SLC35G2: variants seen among roughly 807,000 people sequenced by gnomAD.
SLC35G2 encodes the protein transmembrane protein 22.
A neutral mutation model predicts 27.2 loss-of-function variants in SLC35G2; 20 were observed. The ratio of observed to expected loss-of-function variants is 0.74; its 90% CI spans 0.52 to 1.07. The LOEUF is 1.07. Ranked by LOEUF, SLC35G2 falls within the 50% of genes least tolerant of loss-of-function variation. The pLI is 0.00. For missense variants in SLC35G2, 416 were observed against 493.3 expected, an observed-to-expected ratio of 0.84 and a Z score of 1.48; for synonymous variants, 148 against 165.3, an observed-to-expected ratio of 0.90 and a Z score of 0.80.
chr3:136,852,559 C>G (rs1271333769), intron 1 of SLC35G2, among the ~76,000 whole-genome samples: 1 of 149,830 alleles, frequency 6.7e-6, no homozygotes, highest in Non-Finnish European at 1.5e-5. Flanking sequence ...GTGGCACAAT[C>G]TTGGCTCACT....
intron 1 of SLC35G2, among the ~76,000 whole-genome samples, chr3:136,845,533 A>C (rs1937332652): frequency 6.6e-6 from 1 of 152,208 alleles, no homozygotes; most frequent in South Asian, 2.1e-4. Flanking sequence ...AGAATAGTTT[A>C]ATTCTCTAGT....
chr3:136,830,561 G>C (rs189118109), intron 1 of SLC35G2, among the ~76,000 whole-genome samples: 6 of 152,136 alleles, frequency 3.9e-5, no homozygotes, highest in Non-Finnish European at 2.9e-5. Flanking sequence ...GGGATTACAG[G>C]CATGAGCCAC....
intron 1 of SLC35G2, among the ~76,000 whole-genome samples, chr3:136,826,877 G>T (rs1936598086): frequency 6.6e-6 from 1 of 151,804 alleles, no homozygotes; most frequent in South Asian, 2.1e-4. Context: ...GAGCTCAAGT[G>T]CCTGCCTCAC....
At chr3:136,841,720 A>G (rs904204438) in intron 1 of SLC35G2, 3 of 147,634 alleles carry the variant, frequency 2.0e-5, no homozygotes, top group African/African-American at 7.5e-5. Context: ...AACAAGAGTG[A>G]AACTCCGCCT....
At chr3:136,828,972 A>G (rs1051651584) in intron 1 of SLC35G2, among the ~76,000 whole-genome samples, 1 of 152,200 alleles carries the variant, frequency 6.6e-6, no homozygotes, top group African/African-American at 2.4e-5. Flanking sequence ...ACTGATGACA[A>G]CAAAGATTGC....
chr3:136,850,265 T>C (rs912382709), intron 1 of SLC35G2, among the ~76,000 whole-genome samples: 3 of 152,204 alleles, frequency 2.0e-5, no homozygotes, highest in African/African-American at 4.8e-5. Flanking sequence ...AGAATGTCAA[T>C]TGCCTACAAG....
chr3:136,847,455 G>A (rs536620355), intron 1 of SLC35G2, among the ~76,000 whole-genome samples: 82 of 152,218 alleles, frequency 5.4e-4, no homozygotes, highest in African/African-American at 1.8e-3. Flanking sequence ...AAGACAACAA[G>A]CAAGGAGAGA....
At chr3:136,845,471 A>G (rs1333792029) in intron 1 of SLC35G2, among the ~76,000 whole-genome samples, 1 of 152,218 alleles carries the variant, frequency 6.6e-6, no homozygotes, top group African/African-American at 2.4e-5. Context: ...CTTGAAACTC[A>G]GCCTGAAGAT....
chr3:136,822,825 C>A (rs62410363), intron 1 of SLC35G2, among the ~76,000 whole-genome samples: 1 of 152,144 alleles, frequency 6.6e-6, no homozygotes, highest in Admixed American at 6.5e-5. Context: ...TGGACACTTA[C>A]GTTGCTTCCA....
At chr3:136,849,459 C>CTT (rs397753059) in intron 1 of SLC35G2, among the ~76,000 whole-genome samples, 87 of 148,264 alleles carry the variant, frequency 5.9e-4, no homozygotes, top group African/African-American at 1.4e-3. Flanking sequence ...TTGAACCCAA[C>CTT]TTTTTTTTTT....
At chr3:136,844,259 G>C (rs1289638819) in intron 1 of SLC35G2, among the ~76,000 whole-genome samples, 1 of 152,016 alleles carries the variant, frequency 6.6e-6, no homozygotes, top group Non-Finnish European at 1.5e-5. Flanking sequence ...GGAGGCCGAG[G>C]CGGGCGGATC....
At chr3:136,854,288 A>G (rs111454179) in intron 1 of SLC35G2, among the ~76,000 whole-genome samples, 155 bp from the exon 2 acceptor site, 1 of 152,226 alleles carries the variant, frequency 6.6e-6, no homozygotes, top group Non-Finnish European at 1.5e-5. Context: ...CATACATCTG[A>G]TAAGGCATAT....
Position 136,854,949 on chromosome 3 carries a change from A to G in SLC35G2, c.489A>G (p.Gly163=), listed in dbSNP as rs1418336606. ...AGGAGGCCCCCTTTGGACCCAGTGGATACAGATTACGACTCTTCTTTTATG... is the reference window on the plus strand; with the variant it reads ...AGGAGGCCCCCTTTGGACCCAGTGGGTACAGATTACGACTCTTCTTTTATG... ...YYQEAPFGPS[G]YRLRLFFYGV... The change falls in exon 2 of 2, where the codon GGA becomes GGG. Residue 163 remains glycine, a synonymous_variant. Coordinates refer to ENST00000446465, the MANE Select transcript of SLC35G2 (RefSeq NM_025246.3). 5 of 1,614,024 alleles carry G rather than the reference A, an allele frequency of 3.1e-6. No homozygotes were observed. The highest frequency in any genetic ancestry group is 3.4e-6 in the Non-Finnish European group (4 of 1,180,026).
chr3:136,833,318 A>C (rs1463566513), intron 1 of SLC35G2, among the ~76,000 whole-genome samples: 1 of 152,142 alleles, frequency 6.6e-6, no homozygotes, highest in African/African-American at 2.4e-5. Flanking sequence ...TACATGGAGA[A>C]AGATTTTGAC....
chr3:136,824,232 G>A (rs1234605164), intron 1 of SLC35G2, among the ~76,000 whole-genome samples: 1 of 151,904 alleles, frequency 6.6e-6, no homozygotes, highest in Non-Finnish European at 1.5e-5. Flanking sequence ...ATAAATTTTA[G>A]GATTTTTTTT....
intron 1 of SLC35G2, among the ~76,000 whole-genome samples, chr3:136,845,916 T>C (rs374017789): frequency 1.4e-4 from 21 of 151,744 alleles, no homozygotes; most frequent in Middle Eastern, 6.8e-3. Flanking sequence ...AAAAAAATTA[T>C]GGTTACTTTT....
At chr3:136,847,895 T>C (rs1937462191) in intron 1 of SLC35G2, among the ~76,000 whole-genome samples, 1 of 151,808 alleles carries the variant, frequency 6.6e-6, no homozygotes, top group African/African-American at 2.4e-5. Flanking sequence ...GAGAATTGCT[T>C]GAACCTGGGA....
chr3:136,820,671 C>T (rs558733185), intron 1 of SLC35G2, among the ~76,000 whole-genome samples: 1 of 152,308 alleles, frequency 6.6e-6, no homozygotes, highest in South Asian at 2.1e-4. Context: ...CTTTTGAAAA[C>T]CATTACACAC....
At chr3:136,850,344 T>C (rs1937585174) in intron 1 of SLC35G2, among the ~76,000 whole-genome samples, 1 of 152,178 alleles carries the variant, frequency 6.6e-6, no homozygotes, top group African/African-American at 2.4e-5. Context: ...TATGGGTTGT[T>C]TTAGTAGTAT....
Sources: gnomAD v4.1 joint callset for allele counts (sites outside exome capture counted in the v4.1 genomes callset) on GRCh38, gnomAD v4.1.1 for gene constraint, MANE v1.5 for transcripts, NCBI Gene and HGNC (gene_info 2026-07-23, HGNC 2026-07-21) for gene names.